Variants in WDPCP observed in about 807,000 individuals in gnomAD.
The protein encoded by WDPCP is WD repeat-containing and planar cell polarity effector protein fritz homolog.
In WDPCP, 71 loss-of-function variants were observed where a neutral mutation model predicts 93.1. That is an observed-to-expected ratio of 0.76 (90% CI 0.63 to 0.93). The LOEUF is 0.93. Among genes scored for constraint, WDPCP ranks in the 40% least tolerant of loss-of-function variants. The pLI is 0.00. For synonymous variants in WDPCP, 315 were observed against 315.0 expected (o/e 1.00, Z 0.00); for missense variants, 844 against 887.4 (o/e 0.95, Z 0.62).
chr2:63,622,808 C>G lies in WDPCP; in HGVS notation n.488+27851G>C, dbSNP rs1351697703. 10 of 1,611,576 alleles carry G rather than the reference C, an allele frequency of 6.2e-6. No individual in the cohort carries two copies. The African/African-American group carries it at 1.3e-4, about 22-fold the overall frequency. On this transcript the variant is annotated intron_variant and non_coding_transcript_variant, in intron 3 of 4. Coordinates refer to the WDPCP transcript ENST00000467687. ...GGTCCCAGGAACTCCGGAGCACGCT[C>G]TGGCCCAGGAAATACTTAACCATCG...
intron 1 of WDPCP, among the ~76,000 whole-genome samples, chr2:63,573,741 C>A (rs1199848547): frequency 6.6e-6 from 1 of 152,124 alleles, no homozygotes; most frequent in Admixed American, 6.5e-5. Context: ...CGCCAGTGAG[C>A]CAGATGGAAC....
chr2:63,765,742 TG>T (rs1205464252), intron 2 of WDPCP, among the ~76,000 whole-genome samples: 1 of 152,226 alleles, frequency 6.6e-6, no homozygotes, highest in African/African-American at 2.4e-5. Context: ...CTGACAGGGT[TG>T]GCCTACTGCC....
chr2:63,382,186 T>C, intron 10 of WDPCP, 92 bp from the exon 11 acceptor site: 1 of 1,289,864 alleles, frequency 7.8e-7, no homozygotes. Context: ...AAAACCTATA[T>C]TGCTTGCATT....
intron 2 of WDPCP, among the ~76,000 whole-genome samples, chr2:63,781,075 G>T (rs763633313): frequency 2.6e-5 from 4 of 152,134 alleles, no homozygotes; most frequent in Middle Eastern, 3.2e-3. Context: ...TTGAGAAAGG[G>T]TATTGCTCTT....
chr2:63,190,857 T>C (rs868371164), intron 14 of WDPCP, among the ~76,000 whole-genome samples: 1 of 152,180 alleles, frequency 6.6e-6, no homozygotes, highest in Non-Finnish European at 1.5e-5. Context: ...ATAGCCTGAA[T>C]GACCTATTAC....
At chr2:63,622,299 A>T (rs1276418235) in intron 3 of WDPCP, 2 of 1,600,738 alleles carry the variant, frequency 1.2e-6, no homozygotes, top group Non-Finnish European at 1.7e-6. Context: ...GGCTGTCTCA[A>T]GTGTTTTGGA....
intron 13 of WDPCP, among the ~76,000 whole-genome samples, chr2:63,276,313 C>A (rs1683086626): frequency 6.6e-6 from 1 of 152,138 alleles, no homozygotes; most frequent in Non-Finnish European, 1.5e-5. Flanking sequence ...TATGATAAAA[C>A]AAGGTTCTTT....
intron 15 of WDPCP, among the ~76,000 whole-genome samples, chr2:63,166,875 A>G (rs1282158666): frequency 6.6e-6 from 1 of 152,188 alleles, no homozygotes; most frequent in Non-Finnish European, 1.5e-5. Flanking sequence ...CTGTTGTGCT[A>G]TCAAATACTA....
At chr2:63,643,841 AACCAC>A in intron 3 of WDPCP, 1 of 542,130 alleles carries the variant, frequency 1.8e-6, no homozygotes, top group Non-Finnish European at 3.7e-6. Flanking sequence ...GATCTTAATA[AACCAC>A]TGCATGCAAA....
intron 10 of WDPCP, among the ~76,000 whole-genome samples, chr2:63,402,961 A>G (rs551310407): frequency 2.6e-5 from 4 of 152,338 alleles, no homozygotes; most frequent in African/African-American, 4.8e-5. Context: ...TCATTCTGCC[A>G]TAAAGATACA....
intron 17 of WDPCP, among the ~76,000 whole-genome samples, chr2:63,139,150 T>C (rs1456912308): frequency 7.5e-6 from 1 of 134,194 alleles, no homozygotes; most frequent in East Asian, 2.2e-4. Context: ...TGTGTGTATA[T>C]GTGTATGTAT....
chr2:63,297,740 T>C (rs1231901803), intron 13 of WDPCP, among the ~76,000 whole-genome samples: 3 of 152,132 alleles, frequency 2.0e-5, no homozygotes, highest in African/African-American at 7.2e-5. Flanking sequence ...ACCTAAATAC[T>C]GGTATTTAGG....
At chr2:63,558,954 C>T (rs1394091432) in intron 1 of WDPCP, among the ~76,000 whole-genome samples, 1 of 152,150 alleles carries the variant, frequency 6.6e-6, no homozygotes, top group East Asian at 1.9e-4. Context: ...CATCCTGATA[C>T]CAAAACCTGG....
rs1040759379 is a variant in WDPCP at position 63,810,812 on chromosome 2, C to T, written n.308+2810G>A. 6.6e-5 allele frequency among the ~76,000 whole-genome samples: 10 copies of T among 152,300 alleles called. 1 individual carries two copies. Among genetic ancestry groups the T allele is most frequent in the South Asian group, 6.2e-4 (3 of 4,824 alleles). ...TACGGAAAAGCTTTTCTATTTTAAT[C>T]CCTATTGCTTTATAAACAATATGGA... On this transcript the variant is annotated intron_variant and non_coding_transcript_variant, in intron 2 of 4. Coordinates refer to the WDPCP transcript ENST00000467687.
chr2:63,594,125 T>C (rs1709256688), intron 3 of WDPCP, among the ~76,000 whole-genome samples: 1 of 152,310 alleles, frequency 6.6e-6, no homozygotes, highest in Admixed American at 6.5e-5. Context: ...ATTGAGCAGA[T>C]GGGAGTGGGG....
chr2:63,478,754 A>C (rs1032189369), intron 6 of WDPCP, among the ~76,000 whole-genome samples: 1 of 152,074 alleles, frequency 6.6e-6, no homozygotes, highest in South Asian at 2.1e-4. Flanking sequence ...ATCTCAGGTC[A>C]CACCTCAAGG....
At chr2:63,772,972 T>C (rs1457788835) in intron 2 of WDPCP, among the ~76,000 whole-genome samples, 3 of 151,994 alleles carry the variant, frequency 2.0e-5, no homozygotes, top group African/African-American at 7.2e-5. Context: ...AACAAAAGTA[T>C]TAGAATGAAA....
intron 14 of WDPCP, among the ~76,000 whole-genome samples, chr2:63,188,315 C>G (rs1187952358): frequency 2.0e-5 from 3 of 152,014 alleles, no homozygotes; most frequent in South Asian, 2.1e-4. Flanking sequence ...GACTCCTATA[C>G]TACATATATT....
intron 1 of WDPCP, among the ~76,000 whole-genome samples, chr2:63,561,440 T>C (rs975556443): frequency 4.6e-5 from 7 of 151,360 alleles, no homozygotes; most frequent in Non-Finnish European, 1.0e-4. Flanking sequence ...ATCATGCCAC[T>C]GCACTCCAGC....
Sources: gnomAD v4.1 joint callset for allele counts (sites outside exome capture counted in the v4.1 genomes callset) on GRCh38, gnomAD v4.1.1 for gene constraint, MANE v1.5 for transcripts, NCBI Gene and HGNC (gene_info 2026-07-23, HGNC 2026-07-21) for gene names.